Variants in CACNA1A observed in about 807,000 individuals in gnomAD.
CACNA1A encodes the protein voltage-dependent P/Q-type calcium channel subunit alpha-1A.
A neutral mutation model predicts 262.4 loss-of-function variants in CACNA1A; 57 were observed. The ratio of observed to expected loss-of-function variants is 0.22; its 90% CI spans 0.18 to 0.27. The LOEUF (loss-of-function observed/expected upper bound fraction) is 0.27, where lower values mean the gene tolerates loss of function less well. Ranked by LOEUF, CACNA1A falls within the 10% of genes least tolerant of loss-of-function variation. The pLI is 1.00. For missense variants in CACNA1A, 2,526 were observed against 3,562.8 expected, an observed-to-expected ratio of 0.71 and a Z score of 7.41; for synonymous variants, 1,431 against 1,419.3, an observed-to-expected ratio of 1.01 and a Z score of -0.18.
intron 19 of CACNA1A, among the ~76,000 whole-genome samples, chr19:13,296,687 G>A (rs1470031120): frequency 4.6e-5 from 7 of 151,004 alleles, no homozygotes; most frequent in South Asian, 2.1e-4. Flanking sequence ...ACCACATCCC[G>A]CTGCATCCAA....
intron 30 of CACNA1A, among the ~76,000 whole-genome samples, chr19:13,248,468 G>A (rs2056310360): frequency 1.3e-5 from 2 of 149,414 alleles, no homozygotes. Context: ...GCTGGCTCTT[G>A]CAGGATTGGC....
intron 3 of CACNA1A, among the ~76,000 whole-genome samples, chr19:13,393,679 TTCTTTCCTTTTC>T (rs2059754156): frequency 1.3e-5 from 2 of 148,548 alleles, no homozygotes; most frequent in South Asian, 4.6e-4. Flanking sequence ...TTCTTTCTCT[TTCTTTCCTTTTC>T]TTTCTTTACC....
chr19:13,452,099 T>C (rs1568658910), intron 3 of CACNA1A: 1 of 152,218 alleles, frequency 6.6e-6, no homozygotes. Flanking sequence ...CCTCCCAAAG[T>C]GCTGAGATTA....
At chr19:13,438,149 GACACGTCATCT>G (rs1290635904) in intron 3 of CACNA1A, among the ~76,000 whole-genome samples, 1 of 152,168 alleles carries the variant, frequency 6.6e-6, no homozygotes, top group Non-Finnish European at 1.5e-5. Flanking sequence ...ACACAGTAAT[GACACGTCATCT>G]ACATTGATTG....
chr19:13,337,992 G>A (rs943733591), intron 6 of CACNA1A, among the ~76,000 whole-genome samples: 1 of 152,176 alleles, frequency 6.6e-6, no homozygotes, highest in Non-Finnish European at 1.5e-5. Flanking sequence ...GGCCGAGGCG[G>A]GCAGATCATG....
chr19:13,491,816 A>G (rs1429428661), intron 1 of CACNA1A, among the ~76,000 whole-genome samples: 1 of 152,166 alleles, frequency 6.6e-6, no homozygotes, highest in Non-Finnish European at 1.5e-5. Flanking sequence ...AGCCTAGGGG[A>G]CAGAGTGAGA....
rs375906633 is a variant in CACNA1A, at chr19:13,244,733, C to T, written c.4950+449G>A. Reference sequence around the variant, plus strand: ...CCTCTATGGCCCTGGGAGTGGTGTCCCCACACTGGCCTGAGGGCTGTGGCT... The same window carrying T: ...CCTCTATGGCCCTGGGAGTGGTGTCTCCACACTGGCCTGAGGGCTGTGGCT... On this transcript the variant is annotated intron_variant, in intron 31 of 46. Transcript: ENST00000360228. The T allele has an allele frequency of 3.5e-4, 55 of 158,966 alleles. No homozygotes were observed. The Middle Eastern group carries it at 9.7e-3, about 28-fold the overall frequency. 9.8% of individuals were successfully genotyped at this position (158,966 alleles called of 1,614,324 possible). A position where few individuals can be genotyped will look rare whatever the true frequency, so the allele number is the denominator to read the frequency against.
At chr19:13,413,839 C>T (rs887269164) in intron 3 of CACNA1A, among the ~76,000 whole-genome samples, 8 of 143,648 alleles carry the variant, frequency 5.6e-5, no homozygotes, top group African/African-American at 2.1e-4. Flanking sequence ...TAAGATCTTG[C>T]CATTGCACTT....
chr19:13,377,270 G>T lies in CACNA1A; in HGVS notation c.540-5491C>A, dbSNP rs563737590. Among the ~76,000 whole-genome samples the T allele has an allele frequency of 7.9e-5, 12 of 151,436 alleles. 1 individual carries two copies. The highest frequency in any genetic ancestry group is 2.7e-4 in the African/African-American group (11 of 41,306). On this transcript the variant is annotated intron_variant, in intron 3 of 46. Transcript: ENST00000360228. ...AGCCACTGTACCCAGCCAGAAAAAA[G>T]ATTTCTTTCAAAATATTACTGCTGA... is the stretch of plus-strand genomic sequence containing the variant.
chr19:13,228,367 TG>T, intron 36 of CACNA1A, among the ~76,000 whole-genome samples: 1 of 150,428 alleles, frequency 6.6e-6, no homozygotes, highest in Non-Finnish European at 1.5e-5. Flanking sequence ...AGGTGATGGT[TG>T]GGGGAGAAAT....
intron 3 of CACNA1A, among the ~76,000 whole-genome samples, chr19:13,392,500 T>C (rs2059727479): frequency 6.6e-6 from 1 of 152,212 alleles, no homozygotes; most frequent in Non-Finnish European, 1.5e-5. Context: ...AGTGAAGCTC[T>C]TGAGGAAATG....
intron 31 of CACNA1A, among the ~76,000 whole-genome samples, chr19:13,239,921 C>T (rs939236093): frequency 3.3e-5 from 5 of 151,860 alleles, no homozygotes; most frequent in East Asian, 1.9e-4. Context: ...GAGGCTGAGG[C>T]GGGTGCATCA....
Position 13,262,851 on chromosome 19 carries a change from G to C in CACNA1A, c.3990-18C>G, listed in dbSNP as rs375606162. 2 of 1,565,844 alleles carry C rather than the reference G, an allele frequency of 1.3e-6. No individual in the cohort carries two copies. The highest frequency in any genetic ancestry group is 2.3e-5 in the South Asian group (2 of 88,826). ...TATTGCCACTGTGGAGGAATGTTTA[G>C]GTGGGAAGAAGGGAAGAGAGGAAGC... On this transcript the variant is annotated intron_variant, in intron 24 of 46. Coordinates refer to ENST00000360228, the MANE Select transcript of CACNA1A (RefSeq NM_001127222.2).
intron 1 of CACNA1A, among the ~76,000 whole-genome samples, chr19:13,469,832 C>T (rs1435414464): frequency 6.6e-6 from 1 of 151,910 alleles, no homozygotes; most frequent in Non-Finnish European, 1.5e-5. Flanking sequence ...TCCCATCGAG[C>T]CCTGCAACCC....
intron 3 of CACNA1A, among the ~76,000 whole-genome samples, chr19:13,433,460 C>CAAAAAAAAAAAAAAAA (rs533297364): frequency 0.015 from 1,126 of 76,050 alleles, 89 homozygotes; most frequent in East Asian, 0.028. Context: ...GACGCTGTCT[C>CAAAAAAAAAAAAAAAA]AAAAAAAAAA....
In CACNA1A at chr19:13,472,743, C is replaced by CTTAAT. The variant is rs552491117; in HGVS notation, c.294-17532_294-17531insATTAA. Among the ~76,000 whole-genome samples the CTTAAT allele has an allele frequency of 4.5e-3, 682 of 152,270 alleles. 5 individuals are homozygous for CTTAAT. The highest frequency in any genetic ancestry group is 0.016 in the African/African-American group (644 of 41,546). On this transcript the variant is annotated intron_variant, in intron 1 of 46. Coordinates refer to ENST00000360228, the MANE Select transcript of CACNA1A (RefSeq NM_001127222.2). ...TACGCAAAGGGCCTGTAGTAGGTTACTTATTTTATTTTATTTTTCAGAGAT... is the reference window on the plus strand; with the variant it reads ...TACGCAAAGGGCCTGTAGTAGGTTACTTAATTTATTTTATTTTATTTTTCAGAGAT...
At chr19:13,297,617 C>T (rs1244867011) in intron 19 of CACNA1A, among the ~76,000 whole-genome samples, 1 of 152,086 alleles carries the variant, frequency 6.6e-6, no homozygotes, top group Non-Finnish European at 1.5e-5. Flanking sequence ...TTGAGACCAG[C>T]CTGGGAAACA....
intron 10 of CACNA1A, among the ~76,000 whole-genome samples, chr19:13,319,525 C>T (rs567039228): frequency 1.6e-4 from 24 of 152,126 alleles, no homozygotes; most frequent in Non-Finnish European, 2.8e-4. Context: ...TCAAAACCAC[C>T]CCACTTGCCA....
chr19:13,480,238 C>G (rs916506402), intron 1 of CACNA1A, among the ~76,000 whole-genome samples: 1 of 152,218 alleles, frequency 6.6e-6, no homozygotes, highest in African/African-American at 2.4e-5. Context: ...ACCTCCACCT[C>G]TGCCACCCCT....
Sources: allele counts gnomAD v4.1 joint callset (sites outside exome capture counted in the v4.1 genomes callset), GRCh38; gene constraint gnomAD v4.1.1; transcripts MANE v1.5; gene names NCBI Gene and HGNC (gene_info 2026-07-23, HGNC 2026-07-21).